Variants in EPHX1 observed in about 807,000 individuals in gnomAD.
The protein encoded by EPHX1 is epoxide hydrolase 1, also known as epoxide hydratase.
EPHX1 carries 40 observed loss-of-function variants against 43.2 expected under a neutral mutation model. The observed-to-expected ratio is 0.93, with a 90% CI of 0.72 to 1.21. The LOEUF is 1.21. Among genes scored for constraint, EPHX1 ranks in the 50% most tolerant of loss-of-function variants. The probability of loss-of-function intolerance (pLI) is 0.00; values close to 1 mark genes in which losing one functional copy is unlikely to be tolerated. For synonymous variants in EPHX1, 221 were observed against 226.7 expected (o/e 0.98, Z 0.22); for missense variants, 550 against 570.4 (o/e 0.96, Z 0.36).
chr1:225,836,106 G>A (rs1453266778), intron 3 of EPHX1, among the ~76,000 whole-genome samples: 1 of 152,154 alleles, frequency 6.6e-6, no homozygotes, highest in Non-Finnish European at 1.5e-5. Context: ...TTTGTTAAAA[G>A]TTATGTTCTC....
chr1:225,819,444 T>C (rs943812136), intron 1 of EPHX1, among the ~76,000 whole-genome samples: 137 of 147,486 alleles, frequency 9.3e-4, no homozygotes, highest in African/African-American at 3.3e-3. Flanking sequence ...GGCTTCAGAG[T>C]GGCCATTGTG....
At position 225,845,375 on chromosome 1, in the gene EPHX1, T is replaced by TCC; in HGVS notation, c.*33_*34dup. 7.1e-7 allele frequency: 1 copy of TCC among 1,412,992 alleles called. No homozygotes were observed. Among genetic ancestry groups the TCC allele is most frequent in the Non-Finnish European group, 9.2e-7 (1 of 1,082,062 alleles). The allele number at this position is 1,412,992 out of a possible 1,614,324, so 87.5% of individuals were successfully genotyped here. On this transcript the variant is annotated 3_prime_UTR_variant, in exon 9 of 9. Coordinates refer to ENST00000272167, the MANE Select transcript of EPHX1 (RefSeq NM_001136018.4). ...CACCCCTCTCCCCCCGCCTGCCACC[T>TCC]CCCCCCACAAGTGCCCTCCAGGCTT...
rs1667401362 is a variant in EPHX1, at chr1:225,828,721, G to T, written c.-5-4G>T. The stretch of plus-strand genomic sequence containing the variant: ...GTTGTTAATGGCTTCCCCTCATCTT[G>T]CAGGAGCCATGTGGCTAGAAATCCT... On this transcript the variant is annotated splice_polypyrimidine_tract_variant and splice_region_variant and intron_variant, in intron 1 of 8. Transcript: ENST00000272167. 1.9e-6 allele frequency: 3 copies of T among 1,611,476 alleles called. No individual in the cohort carries two copies. Among genetic ancestry groups the T allele is most frequent in the South Asian group, 2.2e-5 (2 of 90,930 alleles).
intron 3 of EPHX1, among the ~76,000 whole-genome samples, chr1:225,837,634 C>T (rs1327290343): frequency 2.0e-5 from 3 of 152,170 alleles, no homozygotes; most frequent in Admixed American, 6.5e-5. Context: ...TCTCTTGCCT[C>T]AGCCTCCCGA....
At chr1:225,827,404 A>G (rs1022102010) in intron 1 of EPHX1, among the ~76,000 whole-genome samples, 3 of 152,218 alleles carry the variant, frequency 2.0e-5, no homozygotes, top group Admixed American at 6.5e-5. Flanking sequence ...TACTCTGAAC[A>G]AGAACAGTCT....
intron 3 of EPHX1, among the ~76,000 whole-genome samples, chr1:225,836,765 G>A (rs1667990573): frequency 6.6e-6 from 1 of 152,198 alleles, no homozygotes; most frequent in African/African-American, 2.4e-5. Context: ...AGAGGAGAAG[G>A]GTGGTTGTCA....
At position 225,831,801 on chromosome 1, in the gene EPHX1, A is replaced by G; in HGVS notation, c.206A>G (p.Lys69Arg). 6.2e-7 allele frequency: 1 copy of G among 1,614,134 alleles called. No homozygotes were observed. Among genetic ancestry groups the G allele is most frequent in the South Asian group, 1.1e-5 (1 of 91,072 alleles). The change falls in exon 3 of 9, where the codon AAG (lysine) becomes AGG (arginine). Residue 69 changes from lysine (K) to arginine (R), a missense_variant. By Grantham distance (26) the Lys-to-Arg change is conservative. Transcript: ENST00000272167. ...EIHDLHQRID[K>R]FRFTPPLEDS... is the part of the protein sequence containing the mutation. The stretch of plus-strand genomic sequence containing the variant: ...CAGGACTTACACCAGAGGATCGATA[A>G]GTTCCGTTTCACCCCACCTTTGGAG...
chr1:225,836,043 TGTTAA>T (rs1351335041), intron 3 of EPHX1, among the ~76,000 whole-genome samples: 1 of 152,122 alleles, frequency 6.6e-6, no homozygotes, highest in East Asian at 1.9e-4. Flanking sequence ...CAGGATACAT[TGTTAA>T]GTTAAAAAAA....
At chr1:225,840,459 C>A (rs914007134) in intron 6 of EPHX1, among the ~76,000 whole-genome samples, 2 of 152,160 alleles carry the variant, frequency 1.3e-5, no homozygotes, top group African/African-American at 2.4e-5. Flanking sequence ...GCAACCATGT[C>A]TGCCACCAGG....
chr1:225,832,748 T>A (rs1667684894), intron 3 of EPHX1, among the ~76,000 whole-genome samples: 1 of 152,228 alleles, frequency 6.6e-6, no homozygotes, highest in Non-Finnish European at 1.5e-5. Flanking sequence ...GTCATCCTAA[T>A]GGGTATGAAA....
chr1:225,826,552 T>C (rs923684050), intron 1 of EPHX1, among the ~76,000 whole-genome samples: 23 of 143,996 alleles, frequency 1.6e-4, no homozygotes, highest in Admixed American at 1.2e-3. Context: ...AGCGAAGGCC[T>C]GCCCCCTGGC....
chr1:225,812,593 A>C (rs1666538657), intron 1 of EPHX1, among the ~76,000 whole-genome samples: 1 of 152,230 alleles, frequency 6.6e-6, no homozygotes, highest in Admixed American at 6.5e-5. Flanking sequence ...TGTCGACCTG[A>C]TACCCAGGCT....
At chr1:225,828,103 T>C (rs2102713723) in intron 1 of EPHX1, among the ~76,000 whole-genome samples, 1 of 152,270 alleles carries the variant, frequency 6.6e-6, no homozygotes, top group South Asian at 2.1e-4. Flanking sequence ...CCCAGCACTT[T>C]GGGAGGCCGA....
At chr1:225,837,514 CTTTAT>C (rs1212694999) in intron 3 of EPHX1, among the ~76,000 whole-genome samples, 5 of 152,296 alleles carry the variant, frequency 3.3e-5, no homozygotes, top group African/African-American at 4.8e-5. Flanking sequence ...AAATCTTCCA[CTTTAT>C]TTTATTTTAA....
intron 1 of EPHX1, among the ~76,000 whole-genome samples, chr1:225,812,858 G>A (rs6663236): frequency 0.43 from 65,302 of 151,926 alleles, 14,372 homozygotes; most frequent in East Asian, 0.57. Context: ...GTGATTCGAG[G>A]GGTGCCTAGG....
At chr1:225,835,534 C>T (rs1442855963) in intron 3 of EPHX1, among the ~76,000 whole-genome samples, 2 of 151,694 alleles carry the variant, frequency 1.3e-5, no homozygotes, top group Non-Finnish European at 2.9e-5. Flanking sequence ...GGACTACAGG[C>T]GCCCGCCACC....
At position 225,828,923 on chromosome 1, in the gene EPHX1, T is replaced by C. The variant is rs1215312574; in HGVS notation, c.183+11T>C. The C allele has an allele frequency of 6.4e-7, 1 of 1,558,788 alleles. No individual in the cohort carries two copies. Among genetic ancestry groups the C allele is most frequent in the Admixed American group, 1.9e-5 (1 of 51,940 alleles). On this transcript the variant is annotated intron_variant, in intron 2 of 8. Transcript: ENST00000272167. ...GATGAGGAGATCCACGTAAGGCACC[T>C]TGGGCCGGGCCGGGCTGGGCAGTGG...
chr1:225,810,332 C>G (rs1666413811), intron 1 of EPHX1, 163 bp downstream of exon 1: 1 of 152,054 alleles, frequency 6.6e-6, no homozygotes, highest in Non-Finnish European at 1.5e-5. Context: ...GGTCCGCCCC[C>G]AGCTCCTGCC....
At position 225,845,311 on chromosome 1, in the gene EPHX1, C is replaced by T; in HGVS notation, c.1332C>T (p.Asp444=). ...AGGAGCCGGAGCTGCTCGCCCAGGA[C>T]ATCCGCAAGTTCCTGTCGGTGCTGG... is the stretch of plus-strand genomic sequence containing the variant. The part of the protein sequence containing the change: ...AFEEPELLAQ[D]IRKFLSVLER... The change falls in exon 9 of 9, where the codon GAC becomes GAT. Residue 444 remains aspartate, a synonymous_variant. Coordinates refer to ENST00000272167, the MANE Select transcript of EPHX1 (RefSeq NM_001136018.4). The T allele has an allele frequency of 6.2e-7, 1 of 1,612,292 alleles. No individual in the cohort carries two copies. Among genetic ancestry groups the T allele is most frequent in the Non-Finnish European group, 8.5e-7 (1 of 1,179,998 alleles).
Sources: allele counts gnomAD v4.1 joint callset (sites outside exome capture counted in the v4.1 genomes callset), GRCh38; gene constraint gnomAD v4.1.1; transcripts MANE v1.5; gene names NCBI Gene and HGNC (gene_info 2026-07-23, HGNC 2026-07-21).